The following MRPS35 variants were observed in gnomAD, a reference collection of about 807,000 sequenced individuals.
The protein encoded by MRPS35 is mitochondrial ribosomal protein S35.
MRPS35 carries 29 observed loss-of-function variants against 32.7 expected under a neutral mutation model. That is an observed-to-expected ratio of 0.89 (90% CI 0.66 to 1.21). The LOEUF is 1.21. MRPS35 is among the 50% of genes most tolerant of loss of function. The pLI is 0.00. For synonymous variants in MRPS35, 148 were observed against 139.3 expected, an observed-to-expected ratio of 1.06 and a Z score of -0.44; for missense variants, 373 against 383.8, an observed-to-expected ratio of 0.97 and a Z score of 0.23.
At chr12:27,730,337 G>A (rs2061916785) in intron 5 of MRPS35, among the ~76,000 whole-genome samples, 1 of 151,986 alleles carries the variant, frequency 6.6e-6, no homozygotes, top group African/African-American at 2.4e-5. Context: ...AGTACTAGTT[G>A]TATATTTGGT....
rs2061940337 is a variant in MRPS35, at chr12:27,735,562, G to A, written c.632+6G>A. 1.3e-6 allele frequency: 2 copies of A among 1,597,832 alleles called. No homozygotes were observed. The highest frequency in any genetic ancestry group is 2.7e-5 in the African/African-American group (2 of 74,438). On this transcript the variant is annotated splice_donor_region_variant and intron_variant, in intron 6 of 7. Transcript: ENST00000081029. ...CTTACCATCAAAACAGATAGGTAAT[G>A]GAAAAAATGTTCAGCCGACTGGTCA...
chr12:27,751,138 AAAAAGG>A (rs577950975), intron 7 of MRPS35, among the ~76,000 whole-genome samples: 1 of 150,738 alleles, frequency 6.6e-6, no homozygotes, highest in African/African-American at 2.4e-5. Flanking sequence ...AAAAGAAAAG[AAAAAGG>A]AAAAGAAAAA....
intron 7 of MRPS35, among the ~76,000 whole-genome samples, chr12:27,739,072 A>G (rs1000236280): frequency 6.6e-6 from 1 of 152,146 alleles, no homozygotes; most frequent in African/African-American, 2.4e-5. Context: ...TAATTTTTGT[A>G]TATTTAGTAG....
chr12:27,718,808 C>T (rs565531941), intron 3 of MRPS35, among the ~76,000 whole-genome samples: 6 of 152,300 alleles, frequency 3.9e-5, no homozygotes, highest in South Asian at 2.1e-4. Flanking sequence ...ATATCCTGGC[C>T]GGGCACAGCG....
At chr12:27,724,000 G>C in intron 4 of MRPS35, 47 bp from the exon 5 acceptor site, 1 of 1,591,144 alleles carries the variant, frequency 6.3e-7, no homozygotes, top group South Asian at 1.1e-5. Context: ...ATTACAATGA[G>C]AATTTACTTG....
chr12:27,739,891 C>T (rs534209678), intron 7 of MRPS35, among the ~76,000 whole-genome samples: 3 of 152,328 alleles, frequency 2.0e-5, no homozygotes, highest in African/African-American at 4.8e-5. Context: ...AACAGGGTTG[C>T]ATTCTGGATT....
chr12:27,752,709 A>G (rs1291901329), intron 7 of MRPS35, among the ~76,000 whole-genome samples: 1 of 152,224 alleles, frequency 6.6e-6, no homozygotes, highest in Non-Finnish European at 1.5e-5. Context: ...TTAATTTAGG[A>G]CATTTATTTT....
intron 7 of MRPS35, 95 bp from the exon 8 acceptor site, chr12:27,755,086 G>GAA (rs71438704): frequency 3.2e-3 from 3,658 of 1,126,616 alleles, no homozygotes; most frequent in Non-Finnish European, 3.5e-3. Context: ...AAAAAGGAAG[G>GAA]AAAAAAAAAA....
intron 7 of MRPS35, among the ~76,000 whole-genome samples, chr12:27,742,698 C>G (rs1383316346): frequency 2.0e-5 from 3 of 152,184 alleles, no homozygotes; most frequent in Non-Finnish European, 1.5e-5. Flanking sequence ...TGAAGCTCGT[C>G]GTAGTGCTTA....
chr12:27,724,193 G>C lies in MRPS35; in HGVS notation c.522+7G>C, dbSNP rs941315121. ...ACGAGTAGTAGTCTTAAGAGTAAGA[G>C]TTTTTTTCATTTTTTTTTTTTAAAT... On this transcript the variant is annotated splice_region_variant and intron_variant, in intron 5 of 7. Transcript: ENST00000081029. 2.0e-6 allele frequency: 3 copies of C among 1,537,710 alleles called. No individual in the cohort carries two copies. The highest frequency in any genetic ancestry group is 1.7e-6 in the Non-Finnish European group (2 of 1,147,858).
intron 7 of MRPS35, among the ~76,000 whole-genome samples, chr12:27,754,118 G>A (rs1378392500): frequency 1.3e-5 from 2 of 152,108 alleles, no homozygotes; most frequent in Admixed American, 6.5e-5. Flanking sequence ...GCTGGGCGTG[G>A]TGGTGGGCGC....
intron 5 of MRPS35, among the ~76,000 whole-genome samples, chr12:27,726,470 T>C (rs1161027890): frequency 6.6e-6 from 1 of 152,154 alleles, no homozygotes; most frequent in Non-Finnish European, 1.5e-5. Context: ...GGTTTTTGTG[T>C]AGATATGTGT....
chr12:27,751,717 A>G (rs553113617), intron 7 of MRPS35, among the ~76,000 whole-genome samples: 23 of 152,360 alleles, frequency 1.5e-4, no homozygotes, highest in Admixed American at 1.4e-3. Context: ...TGCCTGCACA[A>G]GAGCCATGTT....
At chr12:27,742,787 C>A (rs1263510105) in intron 7 of MRPS35, among the ~76,000 whole-genome samples, 1 of 152,142 alleles carries the variant, frequency 6.6e-6, no homozygotes, top group East Asian at 1.9e-4. Context: ...AAAAGTACTT[C>A]TCACTATTTT....
intron 1 of MRPS35, among the ~76,000 whole-genome samples, chr12:27,714,567 T>TA (rs1484441040): frequency 1.4e-5 from 2 of 145,358 alleles, no homozygotes; most frequent in Non-Finnish European, 3.0e-5. Flanking sequence ...ATCTGGGTGA[T>TA]ACGCCGAGAC....
At chr12:27,745,676 G>A (rs1199068109) in intron 7 of MRPS35, among the ~76,000 whole-genome samples, 2 of 151,748 alleles carry the variant, frequency 1.3e-5, no homozygotes, top group African/African-American at 2.4e-5. Context: ...CCATTAACTC[G>A]TCATTTAACA....
rs1398199616 is a variant in MRPS35, at chr12:27,719,859, G to C, written c.373G>C (p.Ala125Pro). Residue 125 changes from alanine (A) to proline (P), a missense_variant, in exon 4 of 8, where the codon GCC (alanine) becomes CCC (proline). Coordinates refer to ENST00000081029, the MANE Select transcript of MRPS35 (RefSeq NM_021821.4). ...TGTAGCAATTAAAAAGCACTGTGAAGCCCTTAAAGGTAAGTGGTTATTTTC... is the reference window on the plus strand; with the variant it reads ...TGTAGCAATTAAAAAGCACTGTGAACCCCTTAAAGGTAAGTGGTTATTTTC... ...TPVAIKKHCE[A>P]LKDFCTEWPA... is the part of the protein sequence containing the mutation. 1 of 1,604,542 alleles carries C rather than the reference G, an allele frequency of 6.2e-7. No homozygotes were observed. The highest frequency in any genetic ancestry group is 8.5e-7 in the Non-Finnish European group (1 of 1,172,816).
At chr12:27,728,292 T>C (rs1045580684) in intron 5 of MRPS35, among the ~76,000 whole-genome samples, 3 of 152,138 alleles carry the variant, frequency 2.0e-5, no homozygotes, top group Non-Finnish European at 4.4e-5. Flanking sequence ...TTTTTTATTA[T>C]GAAAATTTTC....
chr12:27,712,819 C>A (rs1315884045), intron 1 of MRPS35, among the ~76,000 whole-genome samples: 1 of 152,164 alleles, frequency 6.6e-6, no homozygotes, highest in Non-Finnish European at 1.5e-5. Flanking sequence ...GAGTTTGAGA[C>A]CAGCCTGGGC....
Sources: allele counts gnomAD v4.1 joint callset (sites outside exome capture counted in the v4.1 genomes callset), GRCh38; gene constraint gnomAD v4.1.1; transcripts MANE v1.5; gene names NCBI Gene and HGNC (gene_info 2026-07-23, HGNC 2026-07-21).